Variants in ANO1 observed in about 807,000 individuals in gnomAD.
ANO1 encodes anoctamin-1.
In ANO1, 59 loss-of-function variants were observed where a neutral mutation model predicts 124.0. The ratio of observed to expected loss-of-function variants is 0.48; its 90% confidence interval spans 0.39 to 0.59. ANO1 has a LOEUF of 0.59. ANO1 is among the 20% of genes least tolerant of loss of function. The probability of loss-of-function intolerance (pLI) is 0.00; values close to 1 mark genes in which losing one functional copy is unlikely to be tolerated. For missense variants in ANO1, 1,059 were observed against 1,328.0 expected, an observed-to-expected ratio of 0.80 and a Z score of 3.15; for synonymous variants, 529 against 532.0, an observed-to-expected ratio of 0.99 and a Z score of 0.08.
chr11:70,150,467 A>G (rs1171919526), intron 12 of ANO1, among the ~76,000 whole-genome samples: 1 of 152,194 alleles, frequency 6.6e-6, no homozygotes. Context: ...CTTGGTGCAC[A>G]ACAGAGGCGA....
intron 1 of ANO1, among the ~76,000 whole-genome samples, chr11:70,036,443 G>A (rs1857094643): frequency 6.6e-6 from 1 of 152,116 alleles, no homozygotes; most frequent in Non-Finnish European, 1.5e-5. Context: ...TCTGAGGTTA[G>A]GGCATAGGCT....
In ANO1 at chr11:70,188,951, G is replaced by A. The variant is rs2049256855; in HGVS notation, c.*947G>A. Reference sequence around the variant, plus strand: ...TTTTTTTCTGTAGCTCAAAGGTGGAGGGAGTTTATTAGTTAACCAAATATC... The same window carrying A: ...TTTTTTTCTGTAGCTCAAAGGTGGAAGGAGTTTATTAGTTAACCAAATATC... On this transcript the variant is annotated 3_prime_UTR_variant, in exon 26 of 26. Transcript: ENST00000355303. 1 of 152,224 alleles carries A rather than the reference G, an allele frequency of 6.6e-6. No homozygotes were observed. 9.4% of individuals were successfully genotyped at this position (152,224 alleles called of 1,614,324 possible). A position where few individuals can be genotyped will look rare whatever the true frequency, so the allele number is the denominator to read the frequency against.
chr11:70,067,154 T>C (rs1372520980), intron 1 of ANO1, among the ~76,000 whole-genome samples: 3 of 152,034 alleles, frequency 2.0e-5, no homozygotes, highest in Non-Finnish European at 4.4e-5. Flanking sequence ...CTGGCCACCA[T>C]GAGAAACTGC....
At position 69,988,381 on chromosome 11, in the gene ANO1, C is replaced by T. The variant is rs565127252; in HGVS notation, c.58+2215C>T. On this transcript the variant is annotated intron_variant, in intron 1 of 27. Transcript: ENST00000531349. Reference sequence around the variant, plus strand: ...CAGCCCTGTGCCCTCGGCCAACTTACTTAACCACTCTATGCCTTATCTGTA... The same window carrying T: ...CAGCCCTGTGCCCTCGGCCAACTTATTTAACCACTCTATGCCTTATCTGTA... Among the ~76,000 whole-genome samples, 162 of 152,320 alleles carry T rather than the reference C, an allele frequency of 1.1e-3. 1 individual carries two copies. In the Middle Eastern group the frequency reaches 0.024, roughly 22 times the overall value.
chr11:70,062,849 C>T (rs574933205), intron 1 of ANO1, among the ~76,000 whole-genome samples: 3 of 152,264 alleles, frequency 2.0e-5, no homozygotes, highest in South Asian at 4.1e-4. Context: ...TTGGGCAAGA[C>T]GTTGGACTTC....
At chr11:70,091,165 CAG>C (rs2044611549) in intron 2 of ANO1, among the ~76,000 whole-genome samples, 1 of 152,228 alleles carries the variant, frequency 6.6e-6, no homozygotes, top group Non-Finnish European at 1.5e-5. Context: ...GTGTTCATTT[CAG>C]GGGGAAGAAG....
chr11:70,168,879 G>A (rs932669370), intron 21 of ANO1, among the ~76,000 whole-genome samples: 18 of 152,248 alleles, frequency 1.2e-4, no homozygotes, highest in African/African-American at 3.8e-4. Context: ...CCAGACAATC[G>A]TGCAAGGAGC....
chr11:70,050,360 G>A (rs144007392), intron 1 of ANO1, among the ~76,000 whole-genome samples: 87 of 152,272 alleles, frequency 5.7e-4, no homozygotes, highest in Non-Finnish European at 1.0e-3. Flanking sequence ...CCACAGTACA[G>A]GTGCAGGCCA....
intron 11 of ANO1, among the ~76,000 whole-genome samples, chr11:70,142,344 G>A (rs2135577508): frequency 6.6e-6 from 1 of 152,310 alleles, no homozygotes; most frequent in Non-Finnish European, 1.5e-5. Context: ...AAGTCACCCA[G>A]CTGAGTCACT....
Position 70,167,269 on chromosome 11 carries a change from G to A in ANO1, c.2079G>A (p.Leu693=), listed in dbSNP as rs1157439177. 1 of 1,614,016 alleles carries A rather than the reference G, an allele frequency of 6.2e-7. No individual in the cohort carries two copies. ...IPKMKKLIRY[L]KLKQQSPPDH... ...AGATGAAGAAGCTCATCCGCTACCTGAAGCTGAAGCAGCAGAGCCCCCCTG... is the reference window on the plus strand; with the variant it reads ...AGATGAAGAAGCTCATCCGCTACCTAAAGCTGAAGCAGCAGAGCCCCCCTG... The change falls in exon 21 of 26, where the codon CTG becomes CTA. Residue 693 remains leucine, a synonymous_variant. Coordinates refer to ENST00000355303, the MANE Select transcript of ANO1 (RefSeq NM_018043.7).
At position 70,177,601 on chromosome 11, in the gene ANO1, T is replaced by C. The variant is rs556838836; in HGVS notation, c.2351-2403T>C. On this transcript the variant is annotated intron_variant, in intron 22 of 25. Transcript: ENST00000355303. ...TTCTTTTCTTTTTTTTTTCTTTTTT[T>C]TTTTTTTTTTTTTTTTGAGACAGAG... Among the ~76,000 whole-genome samples the C allele has an allele frequency of 6.6e-3, 877 of 133,084 alleles. 3 individuals carry two copies. Among genetic ancestry groups the C allele is most frequent in the African/African-American group, 0.022 (744 of 34,290 alleles). 87.3% of individuals were successfully genotyped at this position (133,084 alleles called of 152,430 possible). A position where few individuals can be genotyped will look rare whatever the true frequency, so the allele number is the denominator to read the frequency against.
In ANO1 at chr11:70,003,069, A is replaced by T. The variant is rs542067112; in HGVS notation, c.58+16903A>T. 3.7e-4 allele frequency among the ~76,000 whole-genome samples: 56 copies of T among 152,316 alleles called. 1 individual carries two copies. Among genetic ancestry groups the T allele is most frequent in the Middle Eastern group, 3.4e-3 (1 of 294 alleles). On this transcript the variant is annotated intron_variant, in intron 1 of 27. Transcript: ENST00000531349. ...ACAACACCGTAAACAAAATAGAAAGAAAAATATCAAGCTGGGGGTAACTAT... is the reference window on the plus strand; with the variant it reads ...ACAACACCGTAAACAAAATAGAAAGTAAAATATCAAGCTGGGGGTAACTAT...
intron 22 of ANO1, among the ~76,000 whole-genome samples, chr11:70,172,132 A>G (rs11235475): frequency 1.1e-4 from 15 of 141,662 alleles, no homozygotes; most frequent in African/African-American, 1.3e-4. Flanking sequence ...AAAAAAAAAA[A>G]AAAAGAAAAG....
chr11:69,976,538 AAAAAAAAAAAAAAAAAGAG>A, the ANO1 span, among the ~76,000 whole-genome samples: 2 of 82,754 alleles, frequency 2.4e-5, no homozygotes, highest in African/African-American at 8.3e-5. Flanking sequence ...AAAAAAAAAA[AAAAAAAAAAAAAAAAAGAG>A]AGAGAGAGAG....
At chr11:70,168,690 C>T (rs893707640) in intron 21 of ANO1, among the ~76,000 whole-genome samples, 2 of 152,144 alleles carry the variant, frequency 1.3e-5, no homozygotes, top group African/African-American at 2.4e-5. Context: ...CTAAAATGCC[C>T]GTTCCCAGGC....
intron 2 of ANO1, among the ~76,000 whole-genome samples, chr11:70,095,363 A>AGAAAG (rs2135292719): frequency 4.2e-5 from 1 of 23,592 alleles, no homozygotes; most frequent in East Asian, 7.5e-4. Flanking sequence ...AGAAAGAAAG[A>AGAAAG]AAGAAAGAAA....
intron 6 of ANO1, among the ~76,000 whole-genome samples, chr11:70,110,240 G>A (rs1045058183): frequency 6.9e-6 from 1 of 144,488 alleles, no homozygotes; most frequent in Middle Eastern, 3.8e-3. Context: ...AGGCTATAGT[G>A]CAATGGCACA....
In ANO1 at chr11:70,095,284, G is replaced by GA. The variant is rs1208890001; in HGVS notation, c.441+7202dup. ...GGAAGGAAGGAAGGAAGGAAGGAAG[G>GA]AAGGAAGGAAGGAAGGAAAGAAAGA... On this transcript the variant is annotated intron_variant, in intron 2 of 25. Transcript: ENST00000355303. Among the ~76,000 whole-genome samples the GA allele has an allele frequency of 4.8e-3, 510 of 106,414 alleles. 54 individuals carry two copies. The highest frequency in any genetic ancestry group is 7.1e-3 in the Non-Finnish European group (363 of 51,256). The allele number at this position is 106,414 out of a possible 152,430, so 69.8% of individuals were successfully genotyped here.
intron 1 of ANO1, among the ~76,000 whole-genome samples, chr11:70,072,133 C>T (rs1591075151): frequency 6.6e-6 from 1 of 152,150 alleles, no homozygotes; most frequent in African/African-American, 2.4e-5. Context: ...GGCGCCAAAC[C>T]CAGAGGGCCT....
Sources: allele counts gnomAD v4.1 joint callset (sites outside exome capture counted in the v4.1 genomes callset), GRCh38; gene constraint gnomAD v4.1.1; transcripts MANE v1.5; gene names NCBI Gene and HGNC (gene_info 2026-07-23, HGNC 2026-07-21).